PDZD8: variants seen among roughly 807,000 people sequenced by gnomAD.
PDZD8 encodes the protein PDZ domain-containing protein 8.
Under a neutral mutation model 85.8 loss-of-function variants are expected in PDZD8, and 14 were observed. That is an observed-to-expected ratio of 0.16 (90% CI 0.11 to 0.26). The LOEUF (loss-of-function observed/expected upper bound fraction) is 0.26, where lower values mean the gene tolerates loss of function less well. Among genes scored for constraint, PDZD8 ranks in the 10% least tolerant of loss-of-function variants. The pLI is 1.00. For synonymous variants in PDZD8, 592 were observed against 568.6 expected (o/e 1.04, Z -0.59); for missense variants, 1,197 against 1,424.3 (o/e 0.84, Z 2.57).
At chr10:117,310,315 T>G (rs1844014650) in intron 3 of PDZD8, among the ~76,000 whole-genome samples, 1 of 152,164 alleles carries the variant, frequency 6.6e-6, no homozygotes, top group African/African-American at 2.4e-5. Context: ...CTCACAGTAC[T>G]ACTGATACTC....
At chr10:117,335,800 T>C (rs1302840852) in intron 2 of PDZD8, among the ~76,000 whole-genome samples, 1 of 152,164 alleles carries the variant, frequency 6.6e-6, no homozygotes, top group Non-Finnish European at 1.5e-5. Context: ...CCTGAACTCT[T>C]TGTATTATGT....
At chr10:117,286,754 G>A (rs1188603045) in intron 4 of PDZD8, among the ~76,000 whole-genome samples, 2 of 152,142 alleles carry the variant, frequency 1.3e-5, no homozygotes, top group African/African-American at 4.8e-5. Flanking sequence ...TGTGTCTCAA[G>A]ATTACAACGA....
intron 3 of PDZD8, among the ~76,000 whole-genome samples, chr10:117,306,048 G>A (rs1456718441): frequency 2.6e-5 from 4 of 152,108 alleles, no homozygotes; most frequent in Non-Finnish European, 4.4e-5. Flanking sequence ...GTACAGGTAC[G>A]TCTGTTATCT....
chr10:117,300,903 G>A (rs1161547608), intron 3 of PDZD8, among the ~76,000 whole-genome samples: 3 of 152,126 alleles, frequency 2.0e-5, no homozygotes, highest in African/African-American at 7.2e-5. Context: ...CAAACTGTGA[G>A]GAATTCATTT....
intron 3 of PDZD8, among the ~76,000 whole-genome samples, chr10:117,316,318 T>A (rs1340814629): frequency 6.6e-6 from 1 of 152,168 alleles, no homozygotes; most frequent in Non-Finnish European, 1.5e-5. Context: ...GTAGGGTATT[T>A]GCTAAATTAT....
chr10:117,328,051 G>T (rs1280638695), intron 2 of PDZD8, among the ~76,000 whole-genome samples: 1 of 152,022 alleles, frequency 6.6e-6, no homozygotes, highest in Non-Finnish European at 1.5e-5. Context: ...CCAATTTAAG[G>T]ATTTGTTTTG....
rs57494461 is a variant in PDZD8, at chr10:117,281,351, C to CAAAA, written c.*1913_*1916dup. 1 of 113,934 alleles carries CAAAA rather than the reference C, an allele frequency of 8.8e-6. No individual in the cohort carries two copies. Among genetic ancestry groups the CAAAA allele is most frequent in the African/African-American group, 3.9e-5 (1 of 25,884 alleles). The allele number at this position is 113,934 out of a possible 1,614,324, so 7.1% of individuals were successfully genotyped here. A position where few individuals can be genotyped will look rare whatever the true frequency, so the allele number is the denominator to read the frequency against. On this transcript the variant is annotated 3_prime_UTR_variant, in exon 5 of 5. Transcript: ENST00000334464. ...CCTGGGAGACAGCGAGACTCTGTCT[C>CAAAA]AAAAAAAAAAAAAAAAAAAAAAAAA...
intron 2 of PDZD8, among the ~76,000 whole-genome samples, chr10:117,322,800 G>A (rs1193705507): frequency 2.6e-5 from 4 of 152,180 alleles, no homozygotes; most frequent in Admixed American, 6.5e-5. Context: ...AGACTACCAT[G>A]AGAAGATAAG....
intron 1 of PDZD8, among the ~76,000 whole-genome samples, chr10:117,358,175 T>C (rs893667212): frequency 1.3e-5 from 2 of 152,204 alleles, no homozygotes; most frequent in Admixed American, 6.5e-5. Context: ...TATAAAAGCA[T>C]GAGTTCTGTA....
intron 1 of PDZD8, among the ~76,000 whole-genome samples, chr10:117,346,707 CCCCTCTTTTCCTTGTCTCCTG>C (rs1356937195): frequency 3.3e-5 from 5 of 151,932 alleles, no homozygotes; most frequent in South Asian, 2.1e-4. Context: ...GGTGTCTCCT[CCCCTCTTTTCCTTGTCTCCTG>C]CCCTCTTTTC....
intron 1 of PDZD8, among the ~76,000 whole-genome samples, chr10:117,351,644 T>A (rs922757501): frequency 2.6e-5 from 4 of 152,148 alleles, no homozygotes; most frequent in African/African-American, 9.7e-5. Context: ...AGTACACTTT[T>A]CAGGTGGTGA....
intron 3 of PDZD8, among the ~76,000 whole-genome samples, chr10:117,301,610 C>T (rs1305642787): frequency 6.6e-6 from 1 of 152,152 alleles, no homozygotes; most frequent in African/African-American, 2.4e-5. Context: ...GATGTCAGAT[C>T]AATTTGTTTA....
chr10:117,278,647 TTTGTG>T lies in PDZD8; in HGVS notation c.*4616_*4620del, dbSNP rs1844535286. ...TTAGTTTCGTTAAGCTAAGATTGTG[TTTGTG>T]TTAACTTCGACATCAAGGAGCAAAG... is the stretch of plus-strand genomic sequence containing the variant. On this transcript the variant is annotated 3_prime_UTR_variant, in exon 5 of 5. Transcript: ENST00000334464. 1 of 139,326 alleles carries T rather than the reference TTTGTG, an allele frequency of 7.2e-6. No homozygotes were observed. Among genetic ancestry groups the T allele is most frequent in the South Asian group, 2.3e-4 (1 of 4,330 alleles). The allele number at this position is 139,326 out of a possible 1,614,324, so 8.6% of individuals were successfully genotyped here. A position where few individuals can be genotyped will look rare whatever the true frequency, so the allele number is the denominator to read the frequency against.
intron 2 of PDZD8, among the ~76,000 whole-genome samples, chr10:117,335,225 G>C (rs898312434): frequency 3.3e-5 from 5 of 152,178 alleles, no homozygotes; most frequent in African/African-American, 1.2e-4. Context: ...CCAAAGTGCT[G>C]AAGGAACAGA....
At chr10:117,287,645 A>T (rs1844688506) in intron 4 of PDZD8, among the ~76,000 whole-genome samples, 1 of 152,202 alleles carries the variant, frequency 6.6e-6, no homozygotes, top group Non-Finnish European at 1.5e-5. Context: ...TTGTGATTTC[A>T]GCCCATTTTC....
chr10:117,349,149 G>C (rs1367939406), intron 1 of PDZD8, among the ~76,000 whole-genome samples: 1 of 152,188 alleles, frequency 6.6e-6, no homozygotes, highest in Non-Finnish European at 1.5e-5. Context: ...TCTAAGTCAA[G>C]AGGGCAACGA....
chr10:117,304,307 G>A (rs865788144), intron 3 of PDZD8, among the ~76,000 whole-genome samples: 5 of 152,080 alleles, frequency 3.3e-5, no homozygotes, highest in Non-Finnish European at 5.9e-5. Flanking sequence ...CTTTGTTTTG[G>A]CCAATTTCTC....
At chr10:117,371,657 G>T (rs779007686) in intron 1 of PDZD8, among the ~76,000 whole-genome samples, 1 of 152,104 alleles carries the variant, frequency 6.6e-6, no homozygotes, top group South Asian at 2.1e-4. Context: ...ACAAAGCGCC[G>T]GGCAAGGTGG....
chr10:117,375,127 G>C lies in PDZD8; in HGVS notation c.101C>G (p.Pro34Arg). The C allele has an allele frequency of 6.3e-7, 1 of 1,591,094 alleles. No homozygotes were observed. The highest frequency in any genetic ancestry group is 8.5e-7 in the Non-Finnish European group (1 of 1,174,660). Residue 34 changes from proline (P) to arginine (R), a missense_variant, in exon 1 of 5, where the codon CCG becomes CGG. Pro to Arg is a moderately radical substitution (Grantham distance 103). This residue lies in a region of PDZD8 where 172 missense variants were observed against 137.8 expected (regional missense o/e 1.25). Transcript: ENST00000334464. ...FLLYRRQPEP[P>R]ADEAARAGEG... The stretch of plus-strand genomic sequence containing the variant: ...GCCCGCGCGGGCGGCCTCGTCCGCC[G>C]GCGGCTCGGGCTGTCTGCGGTACAG...
Sources: gnomAD v4.1 joint callset for allele counts (sites outside exome capture counted in the v4.1 genomes callset) on GRCh38, gnomAD v4.1.1 for gene constraint, gnomAD v4.1.1 regional missense constraint, MANE v1.5 for transcripts, NCBI Gene and HGNC (gene_info 2026-07-23, HGNC 2026-07-21) for gene names.